MRTFA: variants seen among roughly 807,000 people sequenced by gnomAD.
MRTFA encodes myocardin related transcription factor A.
Under a neutral mutation model 83.5 loss-of-function variants are expected in MRTFA, and 20 were observed. That is an observed-to-expected ratio of 0.24 (90% CI 0.17 to 0.35). MRTFA has a LOEUF of 0.35. MRTFA is among the 10% of genes least tolerant of loss of function. The probability of loss-of-function intolerance (pLI) is 1.00; values close to 1 mark genes in which losing one functional copy is unlikely to be tolerated. For missense variants in MRTFA, 1,200 were observed against 1,224.7 expected, an observed-to-expected ratio of 0.98 and a Z score of 0.30; for synonymous variants, 659 against 541.2, an observed-to-expected ratio of 1.22 and a Z score of -3.02.
In MRTFA at chr22:40,571,921, CAAAAAAAAAAA is replaced by C. The variant is rs557782525; in HGVS notation, c.-21-19565_-21-19555del. ...CCAGGGCGACAGAGCAAGACTCTGT[CAAAAAAAAAAA>C]AAAAAAAAAAAAAAGAAGAGGGACA... On this transcript the variant is annotated intron_variant, in intron 2 of 14. Transcript: ENST00000355630. 0.018 allele frequency among the ~76,000 whole-genome samples: 336 copies of C among 18,748 alleles called. 7 individuals carry two copies. In the East Asian group the frequency reaches 0.2, roughly 11 times the overall value. 12.3% of individuals were successfully genotyped at this position (18,748 alleles called of 152,430 possible). A position where few individuals can be genotyped will look rare whatever the true frequency, so the allele number is the denominator to read the frequency against.
At chr22:40,508,665 T>C (rs569908005) in intron 3 of MRTFA, among the ~76,000 whole-genome samples, 14 of 151,890 alleles carry the variant, frequency 9.2e-5, no homozygotes, top group African/African-American at 2.7e-4. Context: ...AGAATGTTAG[T>C]AATATGTTCT....
chr22:40,576,032 T>C (rs2055863154), intron 2 of MRTFA, among the ~76,000 whole-genome samples: 1 of 149,798 alleles, frequency 6.7e-6, no homozygotes, highest in African/African-American at 2.4e-5. Flanking sequence ...AAATTTCTTT[T>C]TTTTTTTTTT....
intron 3 of MRTFA, among the ~76,000 whole-genome samples, chr22:40,480,743 C>CTTTTTTT (rs758150714): frequency 4.3e-5 from 4 of 93,518 alleles, no homozygotes; most frequent in African/African-American, 4.8e-5. Flanking sequence ...GAGTTCAAGA[C>CTTTTTTT]TTTTTTTTTT....
intron 4 of MRTFA, among the ~76,000 whole-genome samples, chr22:40,456,813 ATTTCT>A (rs1569275329): frequency 6.6e-6 from 1 of 152,092 alleles, no homozygotes; most frequent in Non-Finnish European, 1.5e-5. Flanking sequence ...GTATCCTTTG[ATTTCT>A]TTTGTCATCT....
At chr22:40,413,298 AAAC>A (rs773998072) in intron 14 of MRTFA, among the ~76,000 whole-genome samples, 3 of 151,988 alleles carry the variant, frequency 2.0e-5, no homozygotes, top group Non-Finnish European at 4.4e-5. Context: ...CTTTATCAAA[AAAC>A]AACAACAAAA....
Position 40,420,452 on chromosome 22 carries a change from G to C in MRTFA, c.1306C>G (p.Leu436Val). ...GGCAGGGCTCCCGGCTTGCCAGTCA[G>C]TGAGGTGCTGTTCTGACGTGCCAGC... The change falls in exon 11 of 15, where the codon CTG (leucine) becomes GTG (valine). Residue 436 changes from leucine to valine, a missense_variant. This residue lies in a region of MRTFA where 1,107 missense variants were observed against 1,041.8 expected (regional missense o/e 1.06). Transcript: ENST00000355630. 6.2e-7 allele frequency: 1 copy of C among 1,613,758 alleles called. No individual in the cohort carries two copies. The highest frequency in any genetic ancestry group is 1.1e-5 in the South Asian group (1 of 91,088).
rs1352401290 is a variant in MRTFA at position 40,537,129 on chromosome 22, G to A, written c.241+14977C>T. ...AGGGAGGTGGGGGGGTCAGCCCCCC[G>A]CCCGGCCAGCCGCCACGTCCGGGAG... is the stretch of plus-strand genomic sequence containing the variant. On this transcript the variant is annotated intron_variant, in intron 3 of 14. Coordinates refer to ENST00000355630, the MANE Select transcript of MRTFA (RefSeq NM_020831.6). 1.5e-4 allele frequency among the ~76,000 whole-genome samples: 8 copies of A among 51,904 alleles called. 1 individual carries two copies. Among genetic ancestry groups the A allele is most frequent in the African/African-American group, 5.7e-4 (8 of 14,034 alleles). The allele number at this position is 51,904 out of a possible 152,430, so 34.1% of individuals were successfully genotyped here.
intron 3 of MRTFA, among the ~76,000 whole-genome samples, chr22:40,491,693 T>C (rs1406795135): frequency 6.6e-6 from 1 of 152,122 alleles, no homozygotes; most frequent in African/African-American, 2.4e-5. Flanking sequence ...TTTTCTTCCC[T>C]TATTCCACAA....
chr22:40,573,931 T>C (rs1015924365), intron 2 of MRTFA, among the ~76,000 whole-genome samples: 17 of 152,032 alleles, frequency 1.1e-4, no homozygotes, highest in African/African-American at 3.9e-4. Flanking sequence ...ATTTTTTTTA[T>C]AGAGATGTGA....
intron 3 of MRTFA, among the ~76,000 whole-genome samples, chr22:40,506,762 C>T (rs780629025): frequency 6.6e-6 from 1 of 152,172 alleles, no homozygotes; most frequent in Non-Finnish European, 1.5e-5. Context: ...TAATGACCCC[C>T]ATTTATCACC....
At chr22:40,438,363 A>G (rs1602241946) in intron 4 of MRTFA, among the ~76,000 whole-genome samples, 1 of 152,212 alleles carries the variant, frequency 6.6e-6, no homozygotes, top group Admixed American at 6.5e-5. Flanking sequence ...TAGTTTCTGT[A>G]CCACAGCCAG....
intron 3 of MRTFA, among the ~76,000 whole-genome samples, chr22:40,482,281 C>T (rs1160733313): frequency 6.6e-6 from 1 of 152,108 alleles, no homozygotes; most frequent in Non-Finnish European, 1.5e-5. Flanking sequence ...TACTATATCA[C>T]ATTTATGCCA....
chr22:40,573,348 A>G (rs1051842264), intron 2 of MRTFA, among the ~76,000 whole-genome samples: 2 of 152,070 alleles, frequency 1.3e-5, no homozygotes, highest in African/African-American at 4.8e-5. Flanking sequence ...TCTGCCTCCC[A>G]GGTTCAAGCA....
chr22:40,539,165 T>TTA (rs1400859287), intron 3 of MRTFA, among the ~76,000 whole-genome samples: 1 of 150,544 alleles, frequency 6.6e-6, no homozygotes, highest in East Asian at 2.0e-4. Flanking sequence ...TGGCTAATTT[T>TTA]TATATATATT....
At chr22:40,417,225 G>T in intron 13 of MRTFA, 116 bp downstream of exon 13, 1 of 1,461,174 alleles carries the variant, frequency 6.8e-7, no homozygotes, top group Non-Finnish European at 9.3e-7. Flanking sequence ...AGGCCTCTCT[G>T]ACCCTGAAGC....
chr22:40,555,640 AT>A (rs750134711), intron 2 of MRTFA, among the ~76,000 whole-genome samples: 136 of 143,638 alleles, frequency 9.5e-4, no homozygotes, highest in Middle Eastern at 3.6e-3. Flanking sequence ...AGTAAGAATA[AT>A]TTTTTTTTTT....
chr22:40,586,641 T>A (rs1307032250), intron 2 of MRTFA: 1 of 210,544 alleles, frequency 4.7e-6, no homozygotes, highest in Non-Finnish European at 9.4e-6. Context: ...ACTGATCAGG[T>A]CTTTATTAAA....
Position 40,538,985 on chromosome 22 carries a change from C to CTTTTTTTTTTTT in MRTFA, c.241+13120_241+13121insAAAAAAAAAAAA, listed in dbSNP as rs201694198. Among the ~76,000 whole-genome samples, 3 of 106,946 alleles carry CTTTTTTTTTTTT rather than the reference C, an allele frequency of 2.8e-5. 1 individual carries two copies. The highest frequency in any genetic ancestry group is 1.2e-4 in the Admixed American group (1 of 8,106). 70.2% of individuals were successfully genotyped at this position (106,946 alleles called of 152,430 possible). A position where few individuals can be genotyped will look rare whatever the true frequency, so the allele number is the denominator to read the frequency against. The stretch of plus-strand genomic sequence containing the variant: ...GACATTATACTGCAGGATACACAGC[C>CTTTTTTTTTTTT]TTTTGTTTTTTTTTTTTTTTTTTTT... On this transcript the variant is annotated intron_variant, in intron 3 of 14. Transcript: ENST00000355630.
chr22:40,414,156 C>T (rs2147055849), intron 14 of MRTFA, among the ~76,000 whole-genome samples: 1 of 152,184 alleles, frequency 6.6e-6, no homozygotes, highest in Admixed American at 6.5e-5. Context: ...CTGGGCAACA[C>T]AGTGAAACCC....
Sources: allele counts gnomAD v4.1 joint callset (sites outside exome capture counted in the v4.1 genomes callset), GRCh38; gene constraint gnomAD v4.1.1; regional missense constraint gnomAD v4.1.1; transcripts MANE v1.5; gene names NCBI Gene and HGNC (gene_info 2026-07-23, HGNC 2026-07-21).